Variants in MAN2A1 observed in about 807,000 individuals in gnomAD.
MAN2A1 encodes mannosidase alpha class 2A member 1, also known as alpha-mannosidase 2.
MAN2A1 carries 76 observed loss-of-function variants against 142.6 expected under a neutral mutation model. The ratio of observed to expected loss-of-function variants is 0.53; its 90% CI spans 0.44 to 0.65. The LOEUF (loss-of-function observed/expected upper bound fraction) is 0.65, where lower values mean the gene tolerates loss of function less well. Ranked by LOEUF, MAN2A1 falls within the 30% of genes least tolerant of loss-of-function variation. The pLI is 0.00. For synonymous variants in MAN2A1, 559 were observed against 473.2 expected (o/e 1.18, Z -2.35); for missense variants, 1,311 against 1,365.1 (o/e 0.96, Z 0.62).
At chr5:109,694,548 C>A (rs1004856227) in intron 1 of MAN2A1, among the ~76,000 whole-genome samples, 3 of 151,938 alleles carry the variant, frequency 2.0e-5, no homozygotes, top group African/African-American at 7.3e-5. Flanking sequence ...CGGGGTCTTA[C>A]TATGTTGACC....
chr5:109,797,687 T>C (rs1227118688), intron 12 of MAN2A1, among the ~76,000 whole-genome samples: 1 of 152,066 alleles, frequency 6.6e-6, no homozygotes, highest in Non-Finnish European at 1.5e-5. Context: ...CCTCCCTTTA[T>C]AGATGAAGAG....
At chr5:109,765,755 C>A (rs2301001) in intron 5 of MAN2A1, among the ~76,000 whole-genome samples, 101,918 of 151,894 alleles carry the variant, frequency 0.67, 35,285 homozygotes, top group East Asian at 0.9. Context: ...TTAATATTCA[C>A]TGGGTTATAA....
At chr5:109,692,029 ATT>A (rs923027128) in intron 1 of MAN2A1, among the ~76,000 whole-genome samples, 2 of 152,130 alleles carry the variant, frequency 1.3e-5, no homozygotes, top group African/African-American at 4.8e-5. Context: ...AAAAAGTGAT[ATT>A]TTTACTTAAA....
chr5:109,779,827 C>T (rs1753403360), intron 8 of MAN2A1, among the ~76,000 whole-genome samples: 1 of 152,010 alleles, frequency 6.6e-6, no homozygotes, highest in Non-Finnish European at 1.5e-5. Flanking sequence ...GATACATTGG[C>T]TACACCAAAT....
At chr5:109,734,206 A>T (rs1481075209) in intron 4 of MAN2A1, among the ~76,000 whole-genome samples, 35 of 148,388 alleles carry the variant, frequency 2.4e-4, no homozygotes, top group African/African-American at 8.7e-4. Context: ...ATCGGTGGTG[A>T]TATCCCCTTT....
rs1039272784 is a variant in MAN2A1, at chr5:109,690,288, C to T, written c.-130C>T. The T allele has an allele frequency of 2.4e-5, 22 of 932,010 alleles. No individual in the cohort carries two copies. The African/African-American group carries it at 2.9e-4, about 12-fold the overall frequency. 57.7% of individuals were successfully genotyped at this position (932,010 alleles called of 1,614,324 possible). A position where few individuals can be genotyped will look rare whatever the true frequency, so the allele number is the denominator to read the frequency against. On this transcript the variant is annotated 5_prime_UTR_variant, in exon 1 of 22. Coordinates refer to ENST00000261483, the MANE Select transcript of MAN2A1 (RefSeq NM_002372.4). ...GTGCGGAGCAAGGCGGGGACTCGCA[C>T]CCGCATCCGAGAGCGCGGAGGTCGC... is the stretch of plus-strand genomic sequence containing the variant.
chr5:109,747,320 C>T (rs1463686942), intron 4 of MAN2A1, among the ~76,000 whole-genome samples: 1 of 152,018 alleles, frequency 6.6e-6, no homozygotes, highest in African/African-American at 2.4e-5. Flanking sequence ...GGCAGTAATT[C>T]TGTATGTGTG....
chr5:109,696,922 A>C (rs1411035942), intron 1 of MAN2A1, among the ~76,000 whole-genome samples: 2 of 152,252 alleles, frequency 1.3e-5, no homozygotes, highest in African/African-American at 4.8e-5. Context: ...AGTATGTTAC[A>C]AAAAATTTCA....
intron 3 of MAN2A1, among the ~76,000 whole-genome samples, chr5:109,718,843 T>C (rs553698704): frequency 7.2e-5 from 11 of 152,310 alleles, no homozygotes; most frequent in Middle Eastern, 3.4e-3. Context: ...TACTGAGTCA[T>C]TAGAGTTTGG....
chr5:109,770,625 G>A (rs1276620465), intron 7 of MAN2A1, 84 bp downstream of exon 7: 1 of 1,199,140 alleles, frequency 8.3e-7, no homozygotes, highest in African/African-American at 1.5e-5. Context: ...GAACAAATGG[G>A]CTTTATTAGC....
chr5:109,837,632 C>G (rs556319054), intron 16 of MAN2A1, among the ~76,000 whole-genome samples: 1 of 152,108 alleles, frequency 6.6e-6, no homozygotes, highest in Admixed American at 6.5e-5. Flanking sequence ...ACATAGTAAG[C>G]ATCAATAACT....
At chr5:109,798,532 G>GT (rs1753924733) in intron 12 of MAN2A1, among the ~76,000 whole-genome samples, 1 of 152,168 alleles carries the variant, frequency 6.6e-6, no homozygotes, top group African/African-American at 2.4e-5. Context: ...AGATATGACA[G>GT]TTTTTTCACT....
chr5:109,838,274 G>A (rs895393402), intron 16 of MAN2A1, among the ~76,000 whole-genome samples: 1 of 152,136 alleles, frequency 6.6e-6, no homozygotes, highest in East Asian at 1.9e-4. Flanking sequence ...TTAGCAGCAA[G>A]AGGGCACATA....
chr5:109,733,081 C>T (rs1319179644), intron 4 of MAN2A1, among the ~76,000 whole-genome samples: 1 of 152,120 alleles, frequency 6.6e-6, no homozygotes, highest in Non-Finnish European at 1.5e-5. Context: ...TCCTTCACAT[C>T]CCTTGTAAGT....
intron 12 of MAN2A1, among the ~76,000 whole-genome samples, chr5:109,812,279 G>A (rs983995775): frequency 1.3e-5 from 2 of 152,024 alleles, no homozygotes; most frequent in African/African-American, 4.8e-5. Context: ...GGGGATTTGA[G>A]TTTGAATGTG....
intron 1 of MAN2A1, among the ~76,000 whole-genome samples, chr5:109,710,536 G>A (rs565897571): frequency 8.6e-5 from 13 of 151,008 alleles, no homozygotes; most frequent in African/African-American, 2.9e-4. Flanking sequence ...ACGGAGTCTC[G>A]CTTTATCGCC....
At chr5:109,837,300 G>A (rs1375678909) in intron 16 of MAN2A1, among the ~76,000 whole-genome samples, 1 of 151,668 alleles carries the variant, frequency 6.6e-6, no homozygotes, top group Non-Finnish European at 1.5e-5. Flanking sequence ...AAGAGTTTTT[G>A]GGGTCTGGAA....
At chr5:109,784,952 T>C in intron 10 of MAN2A1, 26 bp downstream of exon 10, 1 of 1,519,438 alleles carries the variant, frequency 6.6e-7, no homozygotes, top group Admixed American at 2.2e-5. Flanking sequence ...AAAAATCATC[T>C]TTAAAAAAAT....
chr5:109,718,606 A>G (rs1286933361), intron 3 of MAN2A1, among the ~76,000 whole-genome samples: 1 of 152,212 alleles, frequency 6.6e-6, no homozygotes, highest in Non-Finnish European at 1.5e-5. Context: ...CACTTGGCAT[A>G]TAGAATAATT....
Sources: allele counts gnomAD v4.1 joint callset (sites outside exome capture counted in the v4.1 genomes callset), GRCh38; gene constraint gnomAD v4.1.1; transcripts MANE v1.5; gene names NCBI Gene and HGNC (gene_info 2026-07-23, HGNC 2026-07-21).